The following FAT4 variants were observed in gnomAD, a reference collection of about 807,000 sequenced individuals.
The protein encoded by FAT4 is FAT atypical cadherin 4.
Under a neutral mutation model 303.9 loss-of-function variants are expected in FAT4, and 84 were observed. That is an observed-to-expected ratio of 0.28 (90% CI 0.23 to 0.33). FAT4 has a LOEUF of 0.33. FAT4 is among the 10% of genes least tolerant of loss of function. FAT4 has a pLI of 1.00. For synonymous variants in FAT4, 2,307 were observed against 2,298.8 expected (o/e 1.00, Z -0.10); for missense variants, 6,005 against 6,146.8 (o/e 0.98, Z 0.77).
At chr4:125,413,265 C>T (rs1734914911) in intron 5 of FAT4, among the ~76,000 whole-genome samples, 1 of 151,810 alleles carries the variant, frequency 6.6e-6, no homozygotes, top group Non-Finnish European at 1.5e-5. Flanking sequence ...TAGTCAGATT[C>T]TACAATTCTG....
At chr4:125,388,846 A>T (rs1031008268) in intron 2 of FAT4, among the ~76,000 whole-genome samples, 1 of 152,196 alleles carries the variant, frequency 6.6e-6, no homozygotes, top group Non-Finnish European at 1.5e-5. Flanking sequence ...ACTATGTGTT[A>T]TCCACGCTTC....
intron 2 of FAT4, among the ~76,000 whole-genome samples, chr4:125,332,119 GTCTT>G (rs111684811): frequency 7.6e-5 from 11 of 144,472 alleles, no homozygotes; most frequent in South Asian, 2.2e-4. Flanking sequence ...TTAAGAAAAT[GTCTT>G]TCTATTTTTA....
At position 125,449,303 on chromosome 4, in the gene FAT4, A is replaced by G. The variant is rs1434449025; in HGVS notation, c.8293A>G (p.Ile2765Val). 6.2e-7 allele frequency: 1 copy of G among 1,613,840 alleles called. No homozygotes were observed. The highest frequency in any genetic ancestry group is 1.7e-5 in the Admixed American group (1 of 59,960). ...TACTTCAGTAAAAGTCATGATTAAC[A>G]TTTTAGATGAAAATGATAATGCCCC... ...QSTSVKVMIN[I>V]LDENDNAPRF... Residue 2765 changes from isoleucine (I) to valine (V), a missense_variant, in exon 10 of 18, where the codon ATT becomes GTT. Ile to Val is a conservative substitution (Grantham distance 29). Coordinates refer to ENST00000394329, the MANE Select transcript of FAT4 (RefSeq NM_001291303.3).
chr4:125,434,365 G>A lies in FAT4; in HGVS notation c.7139G>A (p.Gly2380Glu), dbSNP rs2126044185. Residue 2380 changes from glycine (G) to glutamate (E), a missense_variant, in exon 8 of 18, where the codon GGA becomes GAA. Transcript: ENST00000394329. The stretch of plus-strand genomic sequence containing the variant: ...ACAATTCCTGAGGATGCACCAACTG[G>A]AACAGATGTTTTATTGGTAAATGCC... The part of the protein sequence containing the change: ...FTTIPEDAPT[G>E]TDVLLVNASD... 1 of 1,614,012 alleles carries A rather than the reference G, an allele frequency of 6.2e-7. No homozygotes were observed.
intron 2 of FAT4, among the ~76,000 whole-genome samples, chr4:125,322,669 T>G (rs995172457): frequency 2.0e-5 from 3 of 151,960 alleles, no homozygotes; most frequent in Non-Finnish European, 4.4e-5. Context: ...TTTTCTTGCT[T>G]CTTTTCTTTT....
At chr4:125,434,550 A>G (rs1725390894) in intron 8 of FAT4, 125 bp downstream of exon 8, 3 of 722,086 alleles carry the variant, frequency 4.2e-6, no homozygotes, top group African/African-American at 1.8e-5. Flanking sequence ...CTTGTTATCC[A>G]TTGCTGATAG....
chr4:125,364,112 T>A (rs559926523), intron 2 of FAT4, among the ~76,000 whole-genome samples: 1 of 149,676 alleles, frequency 6.7e-6, no homozygotes, highest in Admixed American at 6.7e-5. Context: ...CTTTTGTGGA[T>A]GTTCCTATTC....
intron 12 of FAT4, among the ~76,000 whole-genome samples, chr4:125,469,469 T>A (rs1726786495): frequency 1.3e-5 from 2 of 152,200 alleles, no homozygotes; most frequent in Admixed American, 1.3e-4. Flanking sequence ...CAGATGAAAT[T>A]GTTTCAAACT....
In FAT4 at chr4:125,490,605, G is replaced by A. The variant is rs1347852459; in HGVS notation, c.13789G>A (p.Glu4597Lys). Residue 4597 changes from glutamate (E) to lysine (K), a missense_variant, in exon 18 of 18, where the codon GAA becomes AAA. Coordinates refer to ENST00000394329, the MANE Select transcript of FAT4 (RefSeq NM_001291303.3). ...ERENPYLIYD[E>K]TDIPHNSETI... ...GGAAAACCCCTACCTTATCTATGATGAAACTGATATTCCTCACAACTCAGA... is the reference window on the plus strand; with the variant it reads ...GGAAAACCCCTACCTTATCTATGATAAAACTGATATTCCTCACAACTCAGA... The A allele has an allele frequency of 1.9e-6, 3 of 1,614,058 alleles. No individual in the cohort carries two copies. Among genetic ancestry groups the A allele is most frequent in the Non-Finnish European group, 2.5e-6 (3 of 1,180,052 alleles).
chr4:125,376,580 C>G (rs34874968), intron 2 of FAT4, among the ~76,000 whole-genome samples: 50,047 of 152,014 alleles, frequency 0.33, 9,500 homozygotes, highest in Non-Finnish European at 0.43. Context: ...CACGTGAACC[C>G]TAGATCTTAA....
rs955007599 is a variant in FAT4, at chr4:125,452,046, G to A, written c.11036G>A (p.Gly3679Asp). The A allele has an allele frequency of 6.2e-7, 1 of 1,613,994 alleles. No homozygotes were observed. The highest frequency in any genetic ancestry group is 8.5e-7 in the Non-Finnish European group (1 of 1,180,024). Reference protein sequence around the residue: ...DLNSQPRSTDGTFDLTVLSND... With the variant: ...DLNSQPRSTDDTFDLTVLSND... Reference sequence around the variant, plus strand: ...AATTCCCAGCCAAGGTCCACAGATGGCACGTTTGATCTGACTGTCCTTAGC... The same window carrying A: ...AATTCCCAGCCAAGGTCCACAGATGACACGTTTGATCTGACTGTCCTTAGC... The change falls in exon 10 of 18, where the codon GGC becomes GAC. Residue 3679 changes from glycine to aspartate, a missense_variant. Physicochemically the swap from Gly to Asp is moderately conservative, Grantham distance 94. Transcript: ENST00000394329.
intron 11 of FAT4, among the ~76,000 whole-genome samples, chr4:125,468,275 T>A (rs1485302996): frequency 3.3e-5 from 5 of 152,178 alleles, no homozygotes; most frequent in African/African-American, 1.2e-4. Flanking sequence ...TTAGATATGT[T>A]CCCTAATTAG....
chr4:125,317,173 C>G lies in FAT4; in HGVS notation c.762C>G (p.His254Gln), dbSNP rs560619748. ...ACCCCCCGGTTTTTGGCAGTTCTCA[C>G]TACCAGGCGGGGGTGCCTGAGGACG... The part of the protein sequence containing the change: ...NDNPPVFGSS[H>Q]YQAGVPEDAV... The change falls in exon 2 of 18, where the codon CAC (histidine) becomes CAG (glutamine). Residue 254 changes from histidine to glutamine, a missense_variant. By Grantham distance (24) the His-to-Gln change is conservative (BLOSUM62 0). Coordinates refer to ENST00000394329, the MANE Select transcript of FAT4 (RefSeq NM_001291303.3). This position sits in a 1 kb window ranked among gnomAD's most constrained non-coding sequence, Gnocchi z 7.0. 6.2e-7 allele frequency: 1 copy of G among 1,602,658 alleles called. No homozygotes were observed. Among genetic ancestry groups the G allele is most frequent in the East Asian group, 2.2e-5 (1 of 44,582 alleles).
At position 125,318,559 on chromosome 4, in the gene FAT4, A is replaced by C. The variant is rs1730755602; in HGVS notation, c.2148A>C (p.Pro716=). 3 of 1,614,112 alleles carry C rather than the reference A, an allele frequency of 1.9e-6. No individual in the cohort carries two copies. Among genetic ancestry groups the C allele is most frequent in the African/African-American group, 2.7e-5 (2 of 74,956 alleles). The change falls in exon 2 of 18, where the codon CCA becomes CCC. Residue 716 remains proline (P), a synonymous_variant. Transcript: ENST00000394329. ...TCACCACTGTGTCTGCCACTGACCC[A>C]GACTTGGGTACCAATGGTACTGTCA... ...SYITTVSATD[P]DLGTNGTVKY... is the part of the protein sequence containing the mutation.
At chr4:125,361,936 C>T (rs1448872646) in intron 2 of FAT4, among the ~76,000 whole-genome samples, 2 of 152,098 alleles carry the variant, frequency 1.3e-5, no homozygotes, top group Non-Finnish European at 2.9e-5. Context: ...TCTATCTCAA[C>T]TGCTTGTGTA....
chr4:125,486,842 GT>G (rs1198764750), intron 16 of FAT4, among the ~76,000 whole-genome samples: 2 of 152,076 alleles, frequency 1.3e-5, no homozygotes, highest in Non-Finnish European at 2.9e-5. Flanking sequence ...TAAAATTTGT[GT>G]GTAAAAGATG....
At chr4:125,478,674 G>A (rs1048505230) in intron 14 of FAT4, among the ~76,000 whole-genome samples, 2 of 152,022 alleles carry the variant, frequency 1.3e-5, no homozygotes, top group South Asian at 2.1e-4. Flanking sequence ...GGGATTACAG[G>A]TGCCTGCCAC....
chr4:125,359,491 T>A (rs1732567855), intron 2 of FAT4, among the ~76,000 whole-genome samples: 1 of 152,288 alleles, frequency 6.6e-6, no homozygotes, highest in South Asian at 2.1e-4. Context: ...ATAATTTAAT[T>A]CGCTGTGATT....
rs541859515 is a variant in FAT4, at chr4:125,427,912, A to T, written c.7019-6333A>T. Among the ~76,000 whole-genome samples, 9 of 152,334 alleles carry T rather than the reference A, an allele frequency of 5.9e-5. No homozygotes were observed. The South Asian group carries it at 8.3e-4, about 14-fold the overall frequency. ...AAAATATAATCTTCCTGACATTTGA[A>T]CTTCAATCGTTTAAACTCATTCATT... On this transcript the variant is annotated intron_variant, in intron 7 of 17. Transcript: ENST00000394329.
Sources: gnomAD v4.1 joint callset for allele counts (sites outside exome capture counted in the v4.1 genomes callset) on GRCh38, gnomAD v4.1.1 for gene constraint, Gnocchi (gnomAD v3.1) non-coding constraint, MANE v1.5 for transcripts, NCBI Gene and HGNC (gene_info 2026-07-23, HGNC 2026-07-21) for gene names.